The following PGM5 variants were observed in gnomAD, a reference collection of about 807,000 sequenced individuals.
PGM5 encodes the protein phosphoglucomutase 5, also known as phosphoglucomutase-like protein 5.
PGM5 carries 23 observed loss-of-function variants against 59.2 expected under a neutral mutation model. The ratio of observed to expected loss-of-function variants is 0.39; its 90% confidence interval spans 0.28 to 0.55. The LOEUF is 0.55. Ranked by LOEUF, PGM5 falls within the 20% of genes least tolerant of loss-of-function variation. The pLI, the probability that PGM5 is intolerant of heterozygous loss-of-function variation, is 0.66. For missense variants in PGM5, 574 were observed against 748.3 expected (o/e 0.77, Z 2.72); for synonymous variants, 214 against 286.0 (o/e 0.75, Z 2.54).
At chr9:68,436,316 A>C (rs1442674888) in intron 6 of PGM5, among the ~76,000 whole-genome samples, 2 of 152,226 alleles carry the variant, frequency 1.3e-5, no homozygotes, top group East Asian at 1.9e-4. Flanking sequence ...TAATTTGAAT[A>C]TATAAGAAGT....
At chr9:68,409,741 G>C (rs1484605038) in intron 6 of PGM5, among the ~76,000 whole-genome samples, 1 of 108,832 alleles carries the variant, frequency 9.2e-6, no homozygotes, top group Non-Finnish European at 1.8e-5. Context: ...GGGGGGAGGG[G>C]GGAGGGATAG....
intron 6 of PGM5, among the ~76,000 whole-genome samples, chr9:68,454,919 C>A (rs10868852): frequency 0.06 from 9,066 of 152,288 alleles, 606 homozygotes; most frequent in East Asian, 0.36. Context: ...CTTTAAAAGA[C>A]ATTAGAGCAG....
At chr9:68,395,042 C>T (rs1554679849) in intron 6 of PGM5, among the ~76,000 whole-genome samples, 1 of 152,110 alleles carries the variant, frequency 6.6e-6, no homozygotes, top group Non-Finnish European at 1.5e-5. Flanking sequence ...TTGTCAACTA[C>T]AAGAAATTTT....
chr9:68,486,904 G>A (rs551891374), intron 9 of PGM5, among the ~76,000 whole-genome samples: 40 of 152,204 alleles, frequency 2.6e-4, no homozygotes, highest in African/African-American at 8.9e-4. Context: ...GTATATGAGG[G>A]TTCCAGTTTC....
chr9:68,488,944 C>G (rs1353770182), intron 9 of PGM5, among the ~76,000 whole-genome samples: 2 of 152,122 alleles, frequency 1.3e-5, no homozygotes, highest in African/African-American at 4.8e-5. Context: ...CCAGTTTATA[C>G]CTTCTAAAGA....
At chr9:68,509,155 G>A (rs1408770503) in intron 10 of PGM5, among the ~76,000 whole-genome samples, 1 of 152,166 alleles carries the variant, frequency 6.6e-6, no homozygotes, top group South Asian at 2.1e-4. Context: ...ATTTAAGTTT[G>A]ATGCCCTAAT....
chr9:68,499,344 C>T lies in PGM5; in HGVS notation c.1597C>T (p.His533Tyr), dbSNP rs1023690271. The T allele has an allele frequency of 3.1e-6, 5 of 1,614,096 alleles. No individual in the cohort carries two copies. The highest frequency in any genetic ancestry group is 3.3e-4 in the Middle Eastern group (2 of 6,062). Residue 533 changes from histidine (H) to tyrosine (Y), a missense_variant, in exon 10 of 11, where the codon CAT (histidine) becomes TAT (tyrosine). Transcript: ENST00000396396. ...GAGCTACGAGAGGGATCCCAGCGGC[C>T]ATGACCAGGAGCCACAGGTACAGAA... ...AESYERDPSGHDQEPQAVLSP... is the reference protein window; with the variant it reads ...AESYERDPSGYDQEPQAVLSP...
intron 6 of PGM5, among the ~76,000 whole-genome samples, chr9:68,405,570 CTT>C (rs1822785035): frequency 6.6e-6 from 1 of 152,304 alleles, no homozygotes; most frequent in Non-Finnish European, 1.5e-5. Context: ...ATCTGTCCTT[CTT>C]TCTCATCCTC....
chr9:68,484,006 T>C lies in PGM5; in HGVS notation c.1437T>C (p.Phe479=), dbSNP rs377710211. The change falls in exon 9 of 11, where the codon TTT becomes TTC. Residue 479 remains phenylalanine, a synonymous_variant. Transcript: ENST00000396396. ...ACAGCGTGGCGAAGACGGATAGTTT[T>C]GAATACGTGGACCCTGTGGATGGCA... ...HVYSVAKTDS[F]EYVDPVDGTV... is the part of the protein sequence containing the mutation. The C allele has an allele frequency of 1.2e-4, 194 of 1,613,976 alleles. No individual in the cohort carries two copies. In the East Asian group the frequency reaches 3.4e-3, roughly 28 times the overall value.
At chr9:68,408,119 TC>T (rs1327650497) in intron 6 of PGM5, among the ~76,000 whole-genome samples, 2 of 152,216 alleles carry the variant, frequency 1.3e-5, no homozygotes, top group African/African-American at 4.8e-5. Context: ...AGATGGGGTT[TC>T]TTTACATGAC....
chr9:68,529,853 G>A lies in PGM5; in HGVS notation c.*197G>A, dbSNP rs1235602445. ...GTTTTGTCCTATTCCTCCAAATGCA[G>A]CAGGGCCTTTAGTTGTCTGTTAAAG... On this transcript the variant is annotated 3_prime_UTR_variant, in exon 11 of 11. Coordinates refer to ENST00000396396, the MANE Select transcript of PGM5 (RefSeq NM_021965.4). 4 of 494,990 alleles carry A rather than the reference G, an allele frequency of 8.1e-6. No individual in the cohort carries two copies. The highest frequency in any genetic ancestry group is 1.1e-5 in the Non-Finnish European group (3 of 281,670). 30.7% of individuals were successfully genotyped at this position (494,990 alleles called of 1,614,324 possible).
chr9:68,426,363 A>T (rs1334787496), intron 6 of PGM5, among the ~76,000 whole-genome samples: 1 of 151,866 alleles, frequency 6.6e-6, no homozygotes, highest in African/African-American at 2.4e-5. Flanking sequence ...TAACCTTCAG[A>T]TTTCTTACAC....
At chr9:68,459,379 G>A (rs115778775) in intron 6 of PGM5, among the ~76,000 whole-genome samples, 1,801 of 152,216 alleles carry the variant, frequency 0.012, 28 homozygotes, top group African/African-American at 0.041. Flanking sequence ...CTCCTGAGAC[G>A]TAACCACTAT....
chr9:68,404,384 T>C (rs11141455), intron 6 of PGM5, among the ~76,000 whole-genome samples: 10,288 of 152,198 alleles, frequency 0.068, 788 homozygotes, highest in East Asian at 0.41. Flanking sequence ...CCACCTTGGC[T>C]TCCCAAAGTG....
At chr9:68,506,625 A>G (rs1417762092) in intron 10 of PGM5, among the ~76,000 whole-genome samples, 1 of 152,226 alleles carries the variant, frequency 6.6e-6, no homozygotes, top group Non-Finnish European at 1.5e-5. Flanking sequence ...TACATATTGG[A>G]TATCTTTTCT....
intron 10 of PGM5, among the ~76,000 whole-genome samples, chr9:68,511,707 T>C (rs1824754515): frequency 6.6e-6 from 1 of 151,814 alleles, no homozygotes; most frequent in South Asian, 2.1e-4. Flanking sequence ...TGCGTCACCA[T>C]GCCTGGCTAA....
chr9:68,429,029 T>C (rs1476182852), intron 6 of PGM5: 4 of 152,214 alleles, frequency 2.6e-5, no homozygotes, highest in African/African-American at 9.6e-5. Flanking sequence ...AAAATGAAGA[T>C]GCAAATGATC....
intron 6 of PGM5, among the ~76,000 whole-genome samples, chr9:68,454,963 T>C (rs1554684683): frequency 6.6e-6 from 1 of 152,244 alleles, no homozygotes; most frequent in African/African-American, 2.4e-5. Context: ...TTATGCTTCC[T>C]GATAAAATTA....
chr9:68,452,032 G>T (rs1823705039), intron 6 of PGM5, among the ~76,000 whole-genome samples: 1 of 152,164 alleles, frequency 6.6e-6, no homozygotes, highest in African/African-American at 2.4e-5. Flanking sequence ...AGCACAAAAG[G>T]CACAGCTTGG....
Sources: gnomAD v4.1 joint callset for allele counts (sites outside exome capture counted in the v4.1 genomes callset) on GRCh38, gnomAD v4.1.1 for gene constraint, MANE v1.5 for transcripts, NCBI Gene and HGNC (gene_info 2026-07-23, HGNC 2026-07-21) for gene names.